PAX6: variants seen among roughly 807,000 people sequenced by gnomAD.
PAX6 encodes paired box protein Pax-6.
A neutral mutation model predicts 60.7 loss-of-function variants in PAX6; 7 were observed. That is an observed-to-expected ratio of 0.12 (90% CI 0.07 to 0.22). The LOEUF (loss-of-function observed/expected upper bound fraction) is 0.22, where lower values mean the gene tolerates loss of function less well. Ranked by LOEUF, PAX6 falls within the 10% of genes least tolerant of loss-of-function variation. The pLI is 1.00. For missense variants in PAX6, 355 were observed against 555.2 expected (o/e 0.64, Z 3.62); for synonymous variants, 208 against 201.2 (o/e 1.03, Z -0.29).
chr11:31,793,391 A>G (rs769144704), intron 12 of PAX6, 47 bp downstream of exon 12: 44 of 1,539,764 alleles, frequency 2.9e-5, no homozygotes, highest in Non-Finnish European at 3.4e-5. Context: ...GCCACTCCTC[A>G]CTTCTCTGGG....
intron 12 of PAX6, chr11:31,791,220 C>T: frequency 2.6e-6 from 1 of 378,008 alleles, no homozygotes; most frequent in Non-Finnish European, 5.1e-6. Context: ...TCCCCTCTCC[C>T]TGCAAATCTG....
chr11:31,792,578 T>C (rs1950263018), intron 12 of PAX6: 2 of 152,874 alleles, frequency 1.3e-5, no homozygotes, highest in Non-Finnish European at 2.9e-5. Context: ...ACAGGAGTTC[T>C]AGGAAAACCA....
intron 9 of PAX6, 198 bp downstream of exon 9, chr11:31,794,420 CCACACACACACA>C (rs10525266): frequency 0.013 from 6,510 of 517,532 alleles, 146 homozygotes; most frequent in African/African-American, 0.074. Context: ...CACACACACA[CCACACACACACA>C]CACACACACA....
exon 1 of PAX6, chr11:31,817,824 G>C (rs955997065): frequency 6.6e-6 from 1 of 152,650 alleles, no homozygotes; most frequent in African/African-American, 2.4e-5. Context: ...AGCGGAGGGC[G>C]GGGAGGCAGG....
rs759479085 is a variant in PAX6, at chr11:31,801,534, GA to G, written c.399+26del. On this transcript the variant is annotated intron_variant, in intron 7 of 13. Transcript: ENST00000640368. ...GAGAGAGCATTGGGCTTAGGGCAGG[GA>G]GGGCAGATGTTCTCAATGAACTTAC... The G allele has an allele frequency of 1.4e-5, 22 of 1,613,848 alleles. No homozygotes were observed. In the African/African-American group the frequency reaches 2.4e-4, roughly 18 times the overall value.
chr11:31,797,981 G>GGT (rs1254392782), intron 8 of PAX6, among the ~76,000 whole-genome samples: 62 of 63,032 alleles, frequency 9.8e-4, no homozygotes, highest in African/African-American at 3.2e-3. Flanking sequence ...CCTGGAAGGA[G>GGT]GTGAGAGAGA....
At chr11:31,800,553 G>T in intron 8 of PAX6, 138 bp downstream of exon 8, 1 of 1,047,314 alleles carries the variant, frequency 9.5e-7, no homozygotes. Flanking sequence ...TGGTCGATGT[G>T]TCCCAGGCCT....
chr11:31,795,600 T>C (rs1006693082), intron 8 of PAX6, among the ~76,000 whole-genome samples: 34 of 152,396 alleles, frequency 2.2e-4, no homozygotes, highest in African/African-American at 7.7e-4. Flanking sequence ...AGCTAAATAT[T>C]CTATGCTGCA....
rs200080139 is a variant in PAX6, at chr11:31,794,751, G to A, written c.603C>T (p.Thr201=). The A allele has an allele frequency of 6.2e-7, 1 of 1,613,942 alleles. No homozygotes were observed. Among genetic ancestry groups the A allele is most frequent in the Admixed American group, 1.7e-5 (1 of 59,998 alleles). The change falls in exon 9 of 14, where the codon ACC becomes ACT. Residue 201 remains threonine, a synonymous_variant. Transcript: ENST00000640368. ...CTTCTCCGTTGGAACTGATGGAGTTGGTATTCTCTCCCCCTCCTTCCTGTT... is the reference window on the plus strand; with the variant it reads ...CTTCTCCGTTGGAACTGATGGAGTTAGTATTCTCTCCCCCTCCTTCCTGTT... ...CQQQEGGGEN[T]NSISSNGEDS...
At chr11:31,805,618 C>T (rs1461741333) in intron 4 of PAX6, 2 of 152,716 alleles carry the variant, frequency 1.3e-5, no homozygotes, top group Non-Finnish European at 2.9e-5. Flanking sequence ...CTAGACTAGC[C>T]CTGCCGCGTA....
chr11:31,793,030 T>C, intron 12 of PAX6: 2 of 555,862 alleles, frequency 3.6e-6, no homozygotes, highest in Non-Finnish European at 6.4e-6. Context: ...CGTGCACAGA[T>C]TCTATATTTA....
intron 8 of PAX6, among the ~76,000 whole-genome samples, chr11:31,798,040 C>T (rs1354190566): frequency 1.3e-5 from 2 of 151,870 alleles, no homozygotes; most frequent in Admixed American, 6.6e-5. Context: ...TAAAATCATT[C>T]CTTAGTTTCT....
chr11:31,790,682 G>C (rs911657261), intron 13 of PAX6, 28 bp downstream of exon 13: 2 of 1,613,666 alleles, frequency 1.2e-6, no homozygotes, highest in Admixed American at 3.3e-5. Context: ...GATCGCCTCT[G>C]TGCAGCCTGC....
chr11:31,795,828 C>T (rs940831963), intron 8 of PAX6, among the ~76,000 whole-genome samples: 25 of 152,356 alleles, frequency 1.6e-4, no homozygotes, highest in Non-Finnish European at 3.2e-4. Flanking sequence ...TCTGACTGGG[C>T]CTCCAGGGCC....
chr11:31,793,210 G>T, intron 12 of PAX6: 1 of 684,516 alleles, frequency 1.5e-6, no homozygotes, highest in South Asian at 1.5e-5. Flanking sequence ...AGATCAACCT[G>T]ACAAAACTGG....
Position 31,793,800 on chromosome 11 carries a change from T to C in PAX6, c.810A>G (p.Val270=). 1 of 1,614,188 alleles carries C rather than the reference T, an allele frequency of 6.2e-7. No homozygotes were observed. Among genetic ancestry groups the C allele is most frequent in the Non-Finnish European group, 8.5e-7 (1 of 1,180,038 alleles). ...KIDLPEARIQ[V]WFSNRRAKWR... ...ATTTGGCCCTTCGATTAGAAAACCA[T>C]ACCTGGAAATCAGGTGGGACAGGTT... The change falls in exon 11 of 14, where the codon GTA becomes GTG. Residue 270 remains valine, a splice_region_variant and synonymous_variant. Coordinates refer to ENST00000640368, the MANE Select transcript of PAX6 (RefSeq NM_001368894.2).
In PAX6 at chr11:31,793,815, T is replaced by C. The variant is rs1416724029; in HGVS notation, c.808-13A>G. On this transcript the variant is annotated splice_polypyrimidine_tract_variant and intron_variant, in intron 10 of 13. Transcript: ENST00000640368. ...TAGAAAACCATACCTGGAAATCAGGTGGGACAGGTTAGCACTGTGTCTACG... is the reference window on the plus strand; with the variant it reads ...TAGAAAACCATACCTGGAAATCAGGCGGGACAGGTTAGCACTGTGTCTACG... The C allele has an allele frequency of 1.2e-6, 2 of 1,614,120 alleles. No individual in the cohort carries two copies. Among genetic ancestry groups the C allele is most frequent in the Admixed American group, 1.7e-5 (1 of 60,022 alleles).
chr11:31,801,596 A>T lies in PAX6; in HGVS notation c.364T>A (p.Ser122Thr). 2 of 1,614,160 alleles carry T rather than the reference A, an allele frequency of 1.2e-6. No homozygotes were observed. The highest frequency in any genetic ancestry group is 1.7e-6 in the Non-Finnish European group (2 of 1,180,032). ...TTATCGTTGGTACAGACCCCCTCGGACAGTAATCTGTCTCGGATTTCCCAA... is the reference window on the plus strand; with the variant it reads ...TTATCGTTGGTACAGACCCCCTCGGTCAGTAATCTGTCTCGGATTTCCCAA... ...FAWEIRDRLLSEGVCTNDNIP... is the reference protein window; with the variant it reads ...FAWEIRDRLLTEGVCTNDNIP... The change falls in exon 7 of 14, where the codon TCC becomes ACC. Residue 122 changes from serine to threonine, a missense_variant. Coordinates refer to ENST00000640368, the MANE Select transcript of PAX6 (RefSeq NM_001368894.2).
upstream of PAX6, among the ~76,000 whole-genome samples, chr11:31,815,444 C>G (rs1040949911): frequency 2.0e-5 from 3 of 152,032 alleles, no homozygotes; most frequent in Non-Finnish European, 4.4e-5. Flanking sequence ...GCCAACGACC[C>G]GGTCCTGCGA....
Sources: gnomAD v4.1 joint callset for allele counts (sites outside exome capture counted in the v4.1 genomes callset) on GRCh38, gnomAD v4.1.1 for gene constraint, MANE v1.5 for transcripts, NCBI Gene and HGNC (gene_info 2026-07-23, HGNC 2026-07-21) for gene names.